Variants in COL5A1 observed in about 807,000 individuals in gnomAD.
COL5A1 encodes the protein collagen type V alpha 1 chain.
COL5A1 carries 16 observed loss-of-function variants against 263.7 expected under a neutral mutation model. The ratio of observed to expected loss-of-function variants is 0.06; its 90% confidence interval spans 0.04 to 0.09. The LOEUF (loss-of-function observed/expected upper bound fraction) is 0.09. COL5A1 is among the 10% of genes least tolerant of loss of function. The probability of loss-of-function intolerance (pLI) is 1.00; values close to 1 mark genes in which losing one functional copy is unlikely to be tolerated. For missense variants in COL5A1, 2,036 were observed against 2,540.5 expected, an observed-to-expected ratio of 0.80 and a Z score of 4.27; for synonymous variants, 1,012 against 1,004.5, an observed-to-expected ratio of 1.01 and a Z score of -0.14.
rs114098595 is a variant in COL5A1, at chr9:134,707,300, C to T, written c.654+5967C>T. ...AAACTCCAGCTCTCCCTGCAAAACC[C>T]CTGGGTGCTGGCGGGAAAGTGATGG... is the stretch of plus-strand genomic sequence containing the variant. On this transcript the variant is annotated intron_variant, in intron 4 of 65. Transcript: ENST00000371817. Among the ~76,000 whole-genome samples the T allele has an allele frequency of 8.2e-3, 1,252 of 152,326 alleles. 16 individuals carry two copies. Among genetic ancestry groups the T allele is most frequent in the African/African-American group, 0.029 (1,193 of 41,570 alleles).
chr9:134,805,304 GC>G, intron 41 of COL5A1, 90 bp downstream of exon 41: 1 of 1,460,530 alleles, frequency 6.8e-7, no homozygotes, highest in Non-Finnish European at 9.6e-7. Flanking sequence ...GCATGCAGCT[GC>G]CCCAGACCCC....
intron 1 of COL5A1, among the ~76,000 whole-genome samples, chr9:134,645,752 A>G (rs1831455201): frequency 6.6e-6 from 1 of 152,160 alleles, no homozygotes; most frequent in Non-Finnish European, 1.5e-5. Flanking sequence ...TTCGCCTGGC[A>G]TGGTCACTCT....
At chr9:134,788,102 T>G (rs1837528867) in intron 31 of COL5A1, among the ~76,000 whole-genome samples, 1 of 150,480 alleles carries the variant, frequency 6.6e-6, no homozygotes, top group Non-Finnish European at 1.5e-5. Context: ...GGTGGATGAA[T>G]GGATGGGTGG....
chr9:134,721,185 C>A (rs912064541), intron 4 of COL5A1, among the ~76,000 whole-genome samples: 1 of 152,078 alleles, frequency 6.6e-6, no homozygotes, highest in African/African-American at 2.4e-5. Flanking sequence ...GTGGCCCTCA[C>A]TGTCTCCATC....
In COL5A1 at chr9:134,678,666, C is replaced by T. The variant is rs879500324; in HGVS notation, c.110-12246C>T. The stretch of plus-strand genomic sequence containing the variant: ...AGCGACAGAGACCCCCATTTCCTTC[C>T]CTGTGGCTGGGCAGCTGGACCACCC... On this transcript the variant is annotated intron_variant, in intron 1 of 65. Coordinates refer to ENST00000371817, the MANE Select transcript of COL5A1 (RefSeq NM_000093.5). The surrounding 1 kb of genome is among the most constrained non-coding windows in gnomAD (Gnocchi z 5.5). 6.6e-6 allele frequency among the ~76,000 whole-genome samples: 1 copy of T among 152,336 alleles called. No individual in the cohort carries two copies. Among genetic ancestry groups the T allele is most frequent in the South Asian group, 2.1e-4 (1 of 4,832 alleles).
chr9:134,814,723 C>T, intron 49 of COL5A1, 74 bp from the exon 50 acceptor site: 4 of 1,145,014 alleles, frequency 3.5e-6, no homozygotes, highest in Non-Finnish European at 5.2e-6. Flanking sequence ...GGTGAGAAAA[C>T]CGGGGAGGCC....
At chr9:134,797,800 A>C (rs1837966536) in intron 36 of COL5A1, among the ~76,000 whole-genome samples, 1 of 152,064 alleles carries the variant, frequency 6.6e-6, no homozygotes, top group African/African-American at 2.4e-5. Context: ...CATCTCTTTC[A>C]TTTTATAAGG....
At chr9:134,823,769 CT>C (rs1481591766) in intron 61 of COL5A1, among the ~76,000 whole-genome samples, 1 of 152,134 alleles carries the variant, frequency 6.6e-6, no homozygotes, top group Admixed American at 6.5e-5. Context: ...GTGTATGTGA[CT>C]GGGCACGTGT....
At chr9:134,784,465 G>T (rs541349234) in intron 29 of COL5A1, among the ~76,000 whole-genome samples, 3 of 152,330 alleles carry the variant, frequency 2.0e-5, no homozygotes, top group African/African-American at 7.2e-5. Context: ...GAGGAAGTTG[G>T]ACGAGGCGGA....
chr9:134,701,797 C>T (rs1833685674), intron 4 of COL5A1, among the ~76,000 whole-genome samples: 2 of 152,220 alleles, frequency 1.3e-5, no homozygotes, highest in South Asian at 4.1e-4. Flanking sequence ...TCGGGCTGGC[C>T]TCACTCCAGT....
At chr9:134,719,851 A>T (rs1002284507) in intron 4 of COL5A1, among the ~76,000 whole-genome samples, 4 of 152,100 alleles carry the variant, frequency 2.6e-5, no homozygotes, top group Non-Finnish European at 5.9e-5. Flanking sequence ...CAGGGATTGG[A>T]TGTGTGCCAT....
Position 134,818,587 on chromosome 9 carries a change from A to G in COL5A1, c.4231-69A>G. On this transcript the variant is annotated intron_variant, in intron 54 of 65. Transcript: ENST00000371817. The surrounding 1 kb of genome is among the most constrained non-coding windows in gnomAD (Gnocchi z 6.0). ...CCAGAGGTGCCCAGGGTTTCCGAGC[A>G]GTGGTCCTGGGCCAGGGTGCCTGGA... The G allele has an allele frequency of 8.5e-7, 1 of 1,175,122 alleles. No homozygotes were observed. Among genetic ancestry groups the G allele is most frequent in the Non-Finnish European group, 1.2e-6 (1 of 803,022 alleles). 72.8% of individuals were successfully genotyped at this position (1,175,122 alleles called of 1,614,324 possible).
At chr9:134,649,639 T>A in intron 1 of COL5A1, 1 of 418,436 alleles carries the variant, frequency 2.4e-6, no homozygotes, top group South Asian at 1.8e-5. Flanking sequence ...TCCTCAAGGA[T>A]CTAGAACCAG....
At chr9:134,725,173 C>T (rs577679451) in intron 4 of COL5A1, among the ~76,000 whole-genome samples, 1 of 152,114 alleles carries the variant, frequency 6.6e-6, no homozygotes, top group African/African-American at 2.4e-5. Flanking sequence ...TTTTCCCTCC[C>T]TTGAGTGTGG....
intron 1 of COL5A1, among the ~76,000 whole-genome samples, chr9:134,688,213 A>G (rs992832145): frequency 1.3e-5 from 2 of 152,232 alleles, no homozygotes; most frequent in Non-Finnish European, 2.9e-5. Context: ...GCTGGAAAAC[A>G]GCTCTTGCCT....
At chr9:134,784,572 A>G (rs1181448825) in intron 29 of COL5A1, among the ~76,000 whole-genome samples, 1 of 152,246 alleles carries the variant, frequency 6.6e-6, no homozygotes, top group Non-Finnish European at 1.5e-5. Flanking sequence ...GTCCACTTCC[A>G]TACCTCCTGG....
intron 11 of COL5A1, among the ~76,000 whole-genome samples, chr9:134,747,296 C>T (rs557381887): frequency 5.9e-5 from 9 of 152,286 alleles, no homozygotes; most frequent in Middle Eastern, 3.4e-3. Flanking sequence ...TTTTCACCAC[C>T]GTGGCTTAGA....
intron 1 of COL5A1, among the ~76,000 whole-genome samples, chr9:134,667,783 C>T (rs1322383250): frequency 6.6e-6 from 1 of 152,188 alleles, no homozygotes; most frequent in African/African-American, 2.4e-5. Flanking sequence ...GTGCCTGACT[C>T]TAGGACAGGG....
At chr9:134,752,104 G>A (rs1835801705) in intron 13 of COL5A1, among the ~76,000 whole-genome samples, 1 of 152,194 alleles carries the variant, frequency 6.6e-6, no homozygotes, top group Admixed American at 6.5e-5. Flanking sequence ...CATGCAGAGG[G>A]GGCAGGTGGG....
Sources: gnomAD v4.1 joint callset for allele counts (sites outside exome capture counted in the v4.1 genomes callset) on GRCh38, gnomAD v4.1.1 for gene constraint, Gnocchi (gnomAD v3.1) non-coding constraint, MANE v1.5 for transcripts, NCBI Gene and HGNC (gene_info 2026-07-23, HGNC 2026-07-21) for gene names.